Variants in DDI2 observed in about 807,000 individuals in gnomAD.
The protein encoded by DDI2 is DDI proteasomal shuttling factor 2.
DDI2 carries 5 observed loss-of-function variants against 48.1 expected under a neutral mutation model. The ratio of observed to expected loss-of-function variants is 0.10; its 90% CI spans 0.05 to 0.22. DDI2 has a LOEUF of 0.22. DDI2 is among the 10% of genes least tolerant of loss of function. The pLI is 1.00. For missense variants in DDI2, 285 were observed against 506.2 expected (o/e 0.56, Z 4.19); for synonymous variants, 205 against 183.6 (o/e 1.12, Z -0.94).
chr1:15,625,684 G>A (rs1365030145), intron 1 of DDI2, among the ~76,000 whole-genome samples: 2 of 152,020 alleles, frequency 1.3e-5, no homozygotes, highest in African/African-American at 2.4e-5. Flanking sequence ...GCAGTGGTGC[G>A]ATCTCAGCCC....
intron 8 of DDI2, among the ~76,000 whole-genome samples, chr1:15,655,761 A>G (rs1219324895): frequency 1.3e-5 from 2 of 151,064 alleles, no homozygotes; most frequent in African/African-American, 4.9e-5. Context: ...TCAAAAAAAA[A>G]AAAAAAGAAA....
chr1:15,633,812 T>G (rs1164249476), intron 4 of DDI2: 5 of 504,714 alleles, frequency 9.9e-6, no homozygotes, highest in Non-Finnish European at 1.9e-5. Context: ...ACTCCCTGAC[T>G]AGCAGACAGA....
intron 5 of DDI2, among the ~76,000 whole-genome samples, chr1:15,643,213 G>A (rs1414002629): frequency 6.6e-6 from 1 of 152,224 alleles, no homozygotes; most frequent in Non-Finnish European, 1.5e-5. Flanking sequence ...TGCTAATTTA[G>A]CATTGCCATC....
intron 1 of DDI2, among the ~76,000 whole-genome samples, chr1:15,623,557 CTTA>C (rs202147595): frequency 2.6e-4 from 22 of 84,060 alleles, no homozygotes; most frequent in African/African-American, 6.2e-4. Flanking sequence ...CCATGCCTGG[CTTA>C]TTATTATTAT....
chr1:15,658,842 T>C (rs1412150333), intron 9 of DDI2, among the ~76,000 whole-genome samples: 3 of 152,162 alleles, frequency 2.0e-5, no homozygotes, highest in African/African-American at 7.2e-5. Flanking sequence ...AAATGATGTT[T>C]AATGATACTA....
At chr1:15,631,978 GTAT>G (rs1410286924) in intron 3 of DDI2, among the ~76,000 whole-genome samples, 1 of 151,800 alleles carries the variant, frequency 6.6e-6, no homozygotes, top group African/African-American at 2.4e-5. Context: ...GCTAATTTTT[GTAT>G]TATTAGTAGA....
intron 8 of DDI2, among the ~76,000 whole-genome samples, chr1:15,656,095 C>T (rs1457092466): frequency 2.0e-5 from 3 of 152,162 alleles, no homozygotes; most frequent in Non-Finnish European, 4.4e-5. Flanking sequence ...CCCTCCTGGA[C>T]CTCCCAAAGT....
At chr1:15,632,053 C>T (rs1054173255) in intron 3 of DDI2, among the ~76,000 whole-genome samples, 2 of 151,986 alleles carry the variant, frequency 1.3e-5, no homozygotes, top group Non-Finnish European at 2.9e-5. Flanking sequence ...ATCCACCCGT[C>T]TCGGCTTCCC....
At chr1:15,618,092 C>T (rs1031316362) in intron 1 of DDI2, among the ~76,000 whole-genome samples, 1 of 152,190 alleles carries the variant, frequency 6.6e-6, no homozygotes, top group Admixed American at 6.5e-5. Context: ...GCAGCGCTAA[C>T]CCTCCCCACC....
chr1:15,649,712 CT>C lies in DDI2; in HGVS notation c.890-3del. ...AACAATAACCTTTTCTCTTCATGTG[CT>C]TTTTAGCTCAGGTTCAGATTGAAGG... On this transcript the variant is annotated splice_region_variant and splice_polypyrimidine_tract_variant and intron_variant, in intron 6 of 9. Transcript: ENST00000480945. 6.2e-7 allele frequency: 1 copy of C among 1,606,770 alleles called. No individual in the cohort carries two copies. Among genetic ancestry groups the C allele is most frequent in the Non-Finnish European group, 8.5e-7 (1 of 1,177,704 alleles).
chr1:15,629,634 AG>A (rs1639812152), intron 2 of DDI2, among the ~76,000 whole-genome samples: 1 of 152,048 alleles, frequency 6.6e-6, no homozygotes, highest in Non-Finnish European at 1.5e-5. Context: ...CCAAGCGTCA[AG>A]GCTGTTTGAA....
intron 6 of DDI2, among the ~76,000 whole-genome samples, chr1:15,647,888 CG>C (rs917996309): frequency 2.0e-5 from 3 of 152,012 alleles, no homozygotes; most frequent in Non-Finnish European, 2.9e-5. Context: ...CACTTGAACC[CG>C]GGAGGCAAAG....
At chr1:15,643,442 T>G (rs909040229) in intron 5 of DDI2, 80 bp from the exon 6 acceptor site, 1 of 1,552,572 alleles carries the variant, frequency 6.4e-7, no homozygotes, top group African/African-American at 1.4e-5. Context: ...TTTCGCTTTG[T>G]TATTATTTAG....
intron 5 of DDI2, among the ~76,000 whole-genome samples, chr1:15,642,683 G>A (rs142836932): frequency 3.7e-4 from 57 of 152,296 alleles, no homozygotes; most frequent in African/African-American, 1.3e-3. Flanking sequence ...CAACACTTTG[G>A]GAAGCTGAGG....
In DDI2 at chr1:15,663,839, AG is replaced by A. The variant is rs1640414196; in HGVS notation, c.*4052del. 1 of 152,172 alleles carries A rather than the reference AG, an allele frequency of 6.6e-6. No homozygotes were observed. Among genetic ancestry groups the A allele is most frequent in the Admixed American group, 6.5e-5 (1 of 15,270 alleles). The allele number at this position is 152,172 out of a possible 1,614,324, so 9.4% of individuals were successfully genotyped here. On this transcript the variant is annotated 3_prime_UTR_variant, in exon 10 of 10. Transcript: ENST00000480945. Reference sequence around the variant, plus strand: ...CTGATGACAATAGACTCCCTCCTAAAGGGCCTTCCATGTAAGCAGAACGAAC... The same window carrying A: ...CTGATGACAATAGACTCCCTCCTAAAGGCCTTCCATGTAAGCAGAACGAAC...
chr1:15,636,628 C>A (rs914092470), intron 4 of DDI2, among the ~76,000 whole-genome samples: 1 of 152,200 alleles, frequency 6.6e-6, no homozygotes, highest in Admixed American at 6.5e-5. Flanking sequence ...TGTGCTACCA[C>A]GCCCAGCTAA....
intron 2 of DDI2, among the ~76,000 whole-genome samples, chr1:15,628,439 A>G (rs1639791422): frequency 6.6e-6 from 1 of 152,178 alleles, no homozygotes; most frequent in Non-Finnish European, 1.5e-5. Context: ...CCCAGACTTG[A>G]GACAAGTTTG....
At chr1:15,655,312 A>G (rs1640254239) in intron 8 of DDI2, among the ~76,000 whole-genome samples, 1 of 152,180 alleles carries the variant, frequency 6.6e-6, no homozygotes, top group Non-Finnish European at 1.5e-5. Flanking sequence ...AGTAGGTGAA[A>G]GTATTTTGTT....
At chr1:15,631,029 G>A in intron 3 of DDI2, among the ~76,000 whole-genome samples, 1 of 152,146 alleles carries the variant, frequency 6.6e-6, no homozygotes, top group Non-Finnish European at 1.5e-5. Flanking sequence ...ATTTTTATTA[G>A]AGACGGGGTT....
Sources: gnomAD v4.1 joint callset for allele counts (sites outside exome capture counted in the v4.1 genomes callset) on GRCh38, gnomAD v4.1.1 for gene constraint, MANE v1.5 for transcripts, NCBI Gene and HGNC (gene_info 2026-07-23, HGNC 2026-07-21) for gene names.